Variants in CHRM3 observed in about 807,000 individuals in gnomAD.
CHRM3 encodes the protein muscarinic acetylcholine receptor M3.
CHRM3 carries 11 observed loss-of-function variants against 41.8 expected under a neutral mutation model. The ratio of observed to expected loss-of-function variants is 0.26; its 90% CI spans 0.17 to 0.44. CHRM3 has a LOEUF of 0.44. Ranked by LOEUF, CHRM3 falls within the 20% of genes least tolerant of loss-of-function variation. The pLI is 1.00. For missense variants in CHRM3, 571 were observed against 745.4 expected (o/e 0.77, Z 2.72); for synonymous variants, 297 against 301.4 (o/e 0.99, Z 0.15).
chr1:239,527,623 T>TGTAA (rs1670082317), intron 2 of CHRM3, among the ~76,000 whole-genome samples: 1 of 151,756 alleles, frequency 6.6e-6, no homozygotes, highest in Non-Finnish European at 1.5e-5. Flanking sequence ...TATGTGAAGC[T>TGTAA]CTGAGCCCCC....
rs767118597 is a variant in CHRM3, at chr1:239,908,019, G to A, written c.568G>A (p.Gly190Ser). ...RTTKRAGVMI[G>S]LAWVISFVLW... is the part of the protein sequence containing the mutation. ...AACAAAGAGAGCCGGTGTGATGATC[G>A]GTCTGGCTTGGGTCATCTCCTTTGT... Residue 190 changes from glycine (G) to serine (S), a missense_variant, in exon 7 of 7, where the codon GGT becomes AGT. This residue lies in a region of CHRM3 where 153 missense variants were observed against 296.3 expected (regional missense o/e 0.52). Coordinates refer to ENST00000676153, the MANE Select transcript of CHRM3 (RefSeq NM_001375978.1). The surrounding 1 kb of genome is among the most constrained non-coding windows in gnomAD (Gnocchi z 7.2). The A allele has an allele frequency of 1.1e-5, 17 of 1,614,002 alleles. No individual in the cohort carries two copies. The highest frequency in any genetic ancestry group is 1.6e-4 in the Middle Eastern group (1 of 6,084).
intron 5 of CHRM3, among the ~76,000 whole-genome samples, chr1:239,770,352 T>C (rs973189488): frequency 1.3e-5 from 2 of 152,244 alleles, no homozygotes; most frequent in Non-Finnish European, 2.9e-5. Flanking sequence ...GCCTGTAGTA[T>C]GGTAAATTTA....
At chr1:239,751,783 C>G (rs955525954) in intron 5 of CHRM3, among the ~76,000 whole-genome samples, 4 of 152,156 alleles carry the variant, frequency 2.6e-5, no homozygotes, top group Non-Finnish European at 5.9e-5. Flanking sequence ...ACAATAGGAT[C>G]TACCTGATAA....
intron 4 of CHRM3, among the ~76,000 whole-genome samples, chr1:239,661,780 G>A (rs116786348): frequency 0.014 from 2,166 of 152,168 alleles, 27 homozygotes; most frequent in South Asian, 0.03. Flanking sequence ...TGTACAACAC[G>A]GAGAGTGAAC....
chr1:239,454,385 T>A lies in CHRM3; in HGVS notation c.-520-38324T>A, dbSNP rs572596982. Among the ~76,000 whole-genome samples, 22 of 151,980 alleles carry A rather than the reference T, an allele frequency of 1.4e-4. No homozygotes were observed. In the South Asian group the frequency reaches 1.7e-3, roughly 12 times the overall value. ...TGAAAGAGATGCACAGAACAAATTG[T>A]GGAGGAAGGGGTGAGGAGTTTCCAG... is the stretch of plus-strand genomic sequence containing the variant. On this transcript the variant is annotated intron_variant, in intron 1 of 6. Coordinates refer to ENST00000676153, the MANE Select transcript of CHRM3 (RefSeq NM_001375978.1).
At chr1:239,885,361 A>G (rs1677979474) in intron 6 of CHRM3, among the ~76,000 whole-genome samples, 1 of 152,130 alleles carries the variant, frequency 6.6e-6, no homozygotes, top group Admixed American at 6.5e-5. Flanking sequence ...CGGTCCAAAA[A>G]TGGGCAGGTC....
At chr1:239,668,041 T>TA (rs985961466) in intron 4 of CHRM3, among the ~76,000 whole-genome samples, 3 of 151,948 alleles carry the variant, frequency 2.0e-5, no homozygotes, top group South Asian at 2.1e-4. Context: ...CTCTTTTTTT[T>TA]ATCACTTAAG....
At chr1:239,694,542 G>A (rs990560440) in intron 5 of CHRM3, among the ~76,000 whole-genome samples, 7 of 152,326 alleles carry the variant, frequency 4.6e-5, no homozygotes, top group Non-Finnish European at 7.3e-5. Flanking sequence ...TTGCATCATG[G>A]TGAATTAATA....
intron 3 of CHRM3, among the ~76,000 whole-genome samples, chr1:239,595,121 C>T (rs1181258486): frequency 2.0e-5 from 3 of 152,056 alleles, no homozygotes; most frequent in Admixed American, 6.6e-5. Flanking sequence ...AACAACAAAA[C>T]GATTGTGTCT....
chr1:239,600,372 T>C (rs1025018155), intron 3 of CHRM3, among the ~76,000 whole-genome samples: 3 of 151,928 alleles, frequency 2.0e-5, no homozygotes, highest in Non-Finnish European at 2.9e-5. Flanking sequence ...TCAGCCATAC[T>C]CCATTTCGCC....
chr1:239,490,319 T>A (rs1372871627), intron 1 of CHRM3, among the ~76,000 whole-genome samples: 1 of 152,166 alleles, frequency 6.6e-6, no homozygotes, highest in Non-Finnish European at 1.5e-5. Flanking sequence ...CTGAAAGATC[T>A]AGTCATGTTA....
chr1:239,907,618 C>T lies in CHRM3; in HGVS notation c.167C>T (p.Thr56Ile), dbSNP rs1680078374. ...AATTTCTCCTCTCCAGACGGTACCACCGATGACCCTCTGGGAGGTCATACC... is the reference window on the plus strand; with the variant it reads ...AATTTCTCCTCTCCAGACGGTACCATCGATGACCCTCTGGGAGGTCATACC... ...AGNFSSPDGT[T>I]DDPLGGHTVW... Residue 56 changes from threonine (T) to isoleucine (I), a missense_variant, in exon 7 of 7, where the codon ACC (threonine) becomes ATC (isoleucine). By Grantham distance (89) the Thr-to-Ile change is moderately conservative. This residue lies in a region of CHRM3 where 92 missense variants were observed against 76.1 expected (regional missense o/e 1.21). Coordinates refer to ENST00000676153, the MANE Select transcript of CHRM3 (RefSeq NM_001375978.1). This position sits in a 1 kb window ranked among gnomAD's most constrained non-coding sequence, Gnocchi z 5.4. 6.2e-7 allele frequency: 1 copy of T among 1,614,088 alleles called. No homozygotes were observed. Among genetic ancestry groups the T allele is most frequent in the Non-Finnish European group, 8.5e-7 (1 of 1,180,032 alleles).
At chr1:239,402,702 C>T (rs560328024) in intron 1 of CHRM3, among the ~76,000 whole-genome samples, 1 of 152,240 alleles carries the variant, frequency 6.6e-6, no homozygotes, top group East Asian at 1.9e-4. Flanking sequence ...TATGGTCGTC[C>T]CTCAGTATCC....
chr1:239,532,914 A>G (rs536021634), intron 2 of CHRM3, among the ~76,000 whole-genome samples: 1 of 152,298 alleles, frequency 6.6e-6, no homozygotes, highest in South Asian at 2.1e-4. Flanking sequence ...TAGTTGCAAT[A>G]AAAAGTTTTT....
chr1:239,554,922 G>C lies in CHRM3; in HGVS notation c.-313+9173G>C, dbSNP rs188294593. 3.1e-3 allele frequency among the ~76,000 whole-genome samples: 468 copies of C among 151,956 alleles called. 3 individuals carry two copies. The highest frequency in any genetic ancestry group is 0.011 in the African/African-American group (447 of 41,466). ...TTTTTGTATTTTTATTAGAGACGGG[G>C]TTTCACCATATTGGCCAGGCTGGTC... On this transcript the variant is annotated intron_variant, in intron 3 of 6. Transcript: ENST00000676153.
chr1:239,894,664 C>G (rs1450600355), intron 6 of CHRM3, among the ~76,000 whole-genome samples: 1 of 152,026 alleles, frequency 6.6e-6, no homozygotes, highest in Non-Finnish European at 1.5e-5. Flanking sequence ...AACTCATGCG[C>G]TCAAGTGATC....
At chr1:239,518,785 G>C (rs1250557696) in intron 2 of CHRM3, among the ~76,000 whole-genome samples, 3 of 152,124 alleles carry the variant, frequency 2.0e-5, no homozygotes, top group Non-Finnish European at 4.4e-5. Context: ...GGCTACCAAG[G>C]CATCAGCAGT....
intron 6 of CHRM3, among the ~76,000 whole-genome samples, chr1:239,887,244 C>G (rs756345877): frequency 6.6e-6 from 1 of 151,920 alleles, no homozygotes; most frequent in Non-Finnish European, 1.5e-5. Flanking sequence ...CTCTGTCACT[C>G]AGGCTGGAGT....
At chr1:239,701,806 C>G (rs575769834) in intron 5 of CHRM3, among the ~76,000 whole-genome samples, 2 of 152,128 alleles carry the variant, frequency 1.3e-5, no homozygotes, top group Non-Finnish European at 2.9e-5. Flanking sequence ...TATGTTTGCT[C>G]CTTCTCACCC....
Sources: gnomAD v4.1 joint callset for allele counts (sites outside exome capture counted in the v4.1 genomes callset) on GRCh38, gnomAD v4.1.1 for gene constraint, gnomAD v4.1.1 regional missense constraint, Gnocchi (gnomAD v3.1) non-coding constraint, MANE v1.5 for transcripts, NCBI Gene and HGNC (gene_info 2026-07-23, HGNC 2026-07-21) for gene names.